TSHZ2: variants seen among roughly 807,000 people sequenced by gnomAD.
TSHZ2 encodes the protein teashirt homolog 2.
In TSHZ2, 21 loss-of-function variants were observed where a neutral mutation model predicts 74.4. That is an observed-to-expected ratio of 0.28 (90% confidence interval 0.20 to 0.41). The LOEUF is 0.41. Among genes scored for constraint, TSHZ2 ranks in the 10% least tolerant of loss-of-function variants. TSHZ2 has a pLI of 1.00. For synonymous variants in TSHZ2, 540 were observed against 515.3 expected (o/e 1.05, Z -0.65); for missense variants, 1,244 against 1,293.5 (o/e 0.96, Z 0.59).
chr20:53,438,698 C>A (rs542300842), intron 2 of TSHZ2, among the ~76,000 whole-genome samples: 1 of 152,154 alleles, frequency 6.6e-6, no homozygotes, highest in East Asian at 1.9e-4. Context: ...CAGTGGCTCA[C>A]GCCTGTAATC....
chr20:53,413,372 A>C (rs1451350893), intron 2 of TSHZ2, among the ~76,000 whole-genome samples: 1 of 152,240 alleles, frequency 6.6e-6, no homozygotes, highest in Non-Finnish European at 1.5e-5. Context: ...CTGGACTTAG[A>C]AATCCTGCAG....
chr20:53,080,836 C>T (rs1985512227), intron 1 of TSHZ2, among the ~76,000 whole-genome samples: 1 of 152,110 alleles, frequency 6.6e-6, no homozygotes, highest in South Asian at 2.1e-4. Context: ...TCCAGAATAA[C>T]AAAGAGATGA....
intron 1 of TSHZ2, among the ~76,000 whole-genome samples, chr20:52,997,029 CTTTG>C (rs774958492): frequency 7.2e-5 from 11 of 152,220 alleles, no homozygotes; most frequent in African/African-American, 2.4e-4. Context: ...GGCATGCAAC[CTTTG>C]TTTGGGGACA....
chr20:53,313,622 A>C (rs1443478923), intron 2 of TSHZ2, among the ~76,000 whole-genome samples: 1 of 152,202 alleles, frequency 6.6e-6, no homozygotes, highest in Non-Finnish European at 1.5e-5. Context: ...CGTCTATGGA[A>C]TAGGAAGGTA....
chr20:53,075,495 A>G (rs1985338411), intron 1 of TSHZ2, among the ~76,000 whole-genome samples: 6 of 152,204 alleles, frequency 3.9e-5, no homozygotes, highest in Admixed American at 3.9e-4. Context: ...ATGCCAAGCT[A>G]TAAAAGGAGC....
rs543338833 is a variant in TSHZ2 at position 53,027,978 on chromosome 20, G to A, written c.40+54645G>A. Among the ~76,000 whole-genome samples the A allele has an allele frequency of 2.6e-5, 4 of 152,282 alleles. No homozygotes were observed. In the South Asian group the frequency reaches 8.3e-4, roughly 32 times the overall value. On this transcript the variant is annotated intron_variant, in intron 1 of 2. Transcript: ENST00000371497. ...GCAGTCAGGGGAAAAGTGGGGCACT[G>A]CTGAAGTTATCCAGGAGACGGGGCT...
chr20:53,199,653 A>G (rs1988952784), intron 1 of TSHZ2, among the ~76,000 whole-genome samples: 1 of 152,164 alleles, frequency 6.6e-6, no homozygotes, highest in African/African-American at 2.4e-5. Context: ...TGACTAGGTT[A>G]GGCCCCCACT....
chr20:53,411,845 TA>T (rs1452699610), intron 2 of TSHZ2, among the ~76,000 whole-genome samples: 1 of 151,026 alleles, frequency 6.6e-6, no homozygotes. Context: ...TAAAATAAAA[TA>T]AAAAAAAGAG....
At chr20:53,457,273 C>T (rs1985134485) in intron 2 of TSHZ2, among the ~76,000 whole-genome samples, 1 of 143,722 alleles carries the variant, frequency 7.0e-6, no homozygotes, top group Admixed American at 7.0e-5. Context: ...AGGTCCTTCA[C>T]ATCCCTTGTA....
At position 53,085,385 on chromosome 20, in the gene TSHZ2, A is replaced by G. The variant is rs117464741; in HGVS notation, c.40+112052A>G. ...ATCTCAAAAAGAAAGAGAGAGAGAG[A>G]GAGAGAAAGAAAGAAAGACCGATAT... On this transcript the variant is annotated intron_variant, in intron 1 of 2. Transcript: ENST00000371497. 1.6e-3 allele frequency among the ~76,000 whole-genome samples: 239 copies of G among 152,202 alleles called. 2 individuals are homozygous for G. In the East Asian group the frequency reaches 0.024, roughly 16 times the overall value.
At position 53,340,596 on chromosome 20, in the gene TSHZ2, T is replaced by C. The variant is rs554125891; in HGVS notation, c.*8+84025T>C. ...TATTTCCAAAGACAAAGAAACTCAG[T>C]GGGGATTGCATGGGAGAAACTGTGT... On this transcript the variant is annotated intron_variant, in intron 2 of 2. Coordinates refer to ENST00000371497, the MANE Select transcript of TSHZ2 (RefSeq NM_173485.6). 1.2e-4 allele frequency among the ~76,000 whole-genome samples: 18 copies of C among 152,232 alleles called. No homozygotes were observed. In the South Asian group the frequency reaches 3.1e-3, roughly 26 times the overall value.
intron 1 of TSHZ2, among the ~76,000 whole-genome samples, chr20:53,203,863 G>C (rs1042291393): frequency 2.6e-5 from 4 of 151,944 alleles, no homozygotes; most frequent in Non-Finnish European, 5.9e-5. Context: ...CTCTAGACCT[G>C]CAATGTTCAA....
intron 1 of TSHZ2, among the ~76,000 whole-genome samples, chr20:53,202,423 G>T (rs1025363841): frequency 5.9e-5 from 9 of 152,152 alleles, no homozygotes; most frequent in African/African-American, 2.2e-4. Flanking sequence ...ATGATTCTCT[G>T]CAGTGTAGCT....
intron 2 of TSHZ2, among the ~76,000 whole-genome samples, chr20:53,458,063 G>T (rs534917883): frequency 6.0e-4 from 91 of 152,176 alleles, no homozygotes; most frequent in South Asian, 1.2e-3. Context: ...TCAGAATGAT[G>T]CTGGCCTCAT....
At chr20:53,028,549 C>A (rs1983529742) in intron 1 of TSHZ2, among the ~76,000 whole-genome samples, 1 of 152,186 alleles carries the variant, frequency 6.6e-6, no homozygotes, top group Non-Finnish European at 1.5e-5. Context: ...TGGACTTTTT[C>A]TCTTTGCTTT....
intron 2 of TSHZ2, among the ~76,000 whole-genome samples, chr20:53,415,457 C>T (rs903195066): frequency 2.0e-5 from 3 of 152,048 alleles, no homozygotes; most frequent in Non-Finnish European, 2.9e-5. Flanking sequence ...CTGCTCCCCA[C>T]CCCTTCTTCC....
At chr20:52,988,595 A>G (rs1981860738) in intron 1 of TSHZ2, among the ~76,000 whole-genome samples, 1 of 152,174 alleles carries the variant, frequency 6.6e-6, no homozygotes, top group Non-Finnish European at 1.5e-5. Context: ...GTTGTAGAAA[A>G]AAAAAAAAAA....
chr20:53,449,352 T>C (rs967359107), intron 2 of TSHZ2, among the ~76,000 whole-genome samples: 1 of 152,174 alleles, frequency 6.6e-6, no homozygotes, highest in African/African-American at 2.4e-5. Context: ...GAATAGCAAG[T>C]AGTAAGCACA....
At position 53,056,622 on chromosome 20, in the gene TSHZ2, G is replaced by A. The variant is rs760633919; in HGVS notation, c.40+83289G>A. Among the ~76,000 whole-genome samples, 11 of 152,018 alleles carry A rather than the reference G, an allele frequency of 7.2e-5. No homozygotes were observed. In the South Asian group the frequency reaches 1.0e-3, roughly 14 times the overall value. On this transcript the variant is annotated intron_variant, in intron 1 of 2. Coordinates refer to ENST00000371497, the MANE Select transcript of TSHZ2 (RefSeq NM_173485.6). ...TCTTTGTTTTTCTCTGCTTAATTGC[G>A]TCATATTCCTCCATACCAACTACAC...
Sources: allele counts gnomAD v4.1 joint callset (sites outside exome capture counted in the v4.1 genomes callset), GRCh38; gene constraint gnomAD v4.1.1; transcripts MANE v1.5; gene names NCBI Gene and HGNC (gene_info 2026-07-23, HGNC 2026-07-21).